Variants in PCDHA9 observed in about 807,000 individuals in gnomAD.
PCDHA9 encodes protocadherin alpha-9.
PCDHA9 carries 62 observed loss-of-function variants against 62.0 expected under a neutral mutation model. The observed-to-expected ratio is 1.00, with a 90% CI of 0.81 to 1.23. The LOEUF (loss-of-function observed/expected upper bound fraction) is 1.23, where lower values mean the gene tolerates loss of function less well. PCDHA9 is among the 50% of genes most tolerant of loss of function. PCDHA9 has a pLI of 0.00. For synonymous variants in PCDHA9, 557 were observed against 567.6 expected, an observed-to-expected ratio of 0.98 and a Z score of 0.27; for missense variants, 1,205 against 1,249.8, an observed-to-expected ratio of 0.96 and a Z score of 0.54.
At chr5:140,926,946 A>G in intron 1 of PCDHA9, 1 of 1,590,228 alleles carries the variant, frequency 6.3e-7, no homozygotes. Context: ...GCGGCGCTGC[A>G]GCGGGACAGC....
intron 1 of PCDHA9, among the ~76,000 whole-genome samples, chr5:140,972,711 T>A (rs2096551404): frequency 6.7e-6 from 1 of 148,680 alleles, no homozygotes; most frequent in Non-Finnish European, 1.5e-5. Context: ...GTTGCCAGGC[T>A]GGAGTGCAGT....
intron 1 of PCDHA9, chr5:140,968,844 G>A: frequency 1.2e-6 from 2 of 1,614,210 alleles, no homozygotes; most frequent in African/African-American, 1.3e-5. Context: ...GACACTCAGA[G>A]GCATGTTAAG....
intron 1 of PCDHA9, chr5:140,929,179 G>C: frequency 6.2e-7 from 1 of 1,614,104 alleles, no homozygotes. Context: ...TCTGGGACTT[G>C]GTTCTGATAA....
intron 1 of PCDHA9, among the ~76,000 whole-genome samples, chr5:140,936,969 A>G (rs1391736933): frequency 2.0e-5 from 3 of 152,202 alleles, no homozygotes; most frequent in African/African-American, 7.2e-5. Context: ...ATCTATAAAA[A>G]TATGAAGCTT....
At position 140,857,343 on chromosome 5, in the gene PCDHA9, C is replaced by T. The variant is rs565903992; in HGVS notation, c.2394+6454C>T. 68 of 1,598,512 alleles carry T rather than the reference C, an allele frequency of 4.3e-5. 8 individuals carry two copies. The South Asian group carries it at 4.3e-4, about 10-fold the overall frequency. On this transcript the variant is annotated intron_variant, in intron 1 of 3. Coordinates refer to ENST00000532602, the MANE Select transcript of PCDHA9 (RefSeq NM_031857.2). ...GTGACCGCGCGGGACGGGGGCTCGC[C>T]TCCGCTGTGGGCCACGGCCAGCGTG...
chr5:140,927,105 CAGCGG>C, intron 1 of PCDHA9: 1 of 1,613,778 alleles, frequency 6.2e-7, no homozygotes, highest in Non-Finnish European at 8.5e-7. Flanking sequence ...TGGATCTACC[CAGCGG>C]CAATTTGGTG....
intron 1 of PCDHA9, among the ~76,000 whole-genome samples, chr5:140,978,488 C>T (rs1453613410): frequency 6.6e-6 from 1 of 152,224 alleles, no homozygotes; most frequent in Non-Finnish European, 1.5e-5. Flanking sequence ...TCTGCAAAGC[C>T]AGCAGCAGAT....
intron 1 of PCDHA9, among the ~76,000 whole-genome samples, chr5:140,945,069 A>G (rs550774069): frequency 6.6e-6 from 1 of 152,278 alleles, no homozygotes; most frequent in East Asian, 1.9e-4. Context: ...TACAGACTCC[A>G]CCAAAACACT....
intron 2 of PCDHA9, 155 bp downstream of exon 2, chr5:140,979,162 T>C: frequency 2.1e-6 from 2 of 975,444 alleles, no homozygotes; most frequent in Non-Finnish European, 2.4e-6. Context: ...TGTTTATTCC[T>C]TGAAAGATCG....
chr5:140,858,426 A>T, intron 1 of PCDHA9: 9 of 1,551,394 alleles, frequency 5.8e-6, no homozygotes, highest in Non-Finnish European at 7.9e-6. Flanking sequence ...GGAGGGGACC[A>T]CTCTAGGAAG....
rs548122977 is a variant in PCDHA9 at position 141,010,588 on chromosome 5, T to C, written c.*651T>C. ...AGGCTTTAGGAGACCCTAAAGTCTG[T>C]TGGCTGTGACGTCATTATACCTAAA... On this transcript the variant is annotated 3_prime_UTR_variant, in exon 4 of 4. Coordinates refer to ENST00000532602, the MANE Select transcript of PCDHA9 (RefSeq NM_031857.2). 5 of 233,334 alleles carry C rather than the reference T, an allele frequency of 2.1e-5. No individual in the cohort carries two copies. In the East Asian group the frequency reaches 4.8e-4, roughly 22 times the overall value. 14.5% of individuals were successfully genotyped at this position (233,334 alleles called of 1,614,324 possible).
chr5:140,936,003 C>T (rs1362734996), intron 1 of PCDHA9, among the ~76,000 whole-genome samples: 22 of 151,556 alleles, frequency 1.5e-4, no homozygotes, highest in Non-Finnish European at 1.5e-4. Context: ...AGCGATTCTC[C>T]CACCTCAGCC....
intron 1 of PCDHA9, among the ~76,000 whole-genome samples, chr5:140,906,048 C>A (rs1482228569): frequency 1.3e-5 from 2 of 152,170 alleles, no homozygotes; most frequent in South Asian, 2.1e-4. Context: ...TTTATTCTGG[C>A]TGCACTGGCA....
Position 140,856,070 on chromosome 5 carries a change from C to T in PCDHA9, c.2394+5181C>T. 3.1e-6 allele frequency: 5 copies of T among 1,591,758 alleles called. 1 individual carries two copies. Among genetic ancestry groups the T allele is most frequent in the Non-Finnish European group, 4.3e-6 (5 of 1,163,604 alleles). On this transcript the variant is annotated intron_variant, in intron 1 of 3. Coordinates refer to ENST00000532602, the MANE Select transcript of PCDHA9 (RefSeq NM_031857.2). ...TAAGATGGTTTCCAGATGTAGCTGC[C>T]TGGGGGTCCAGTGTCTGCTGCTCTC...
rs2098415057 is a variant in PCDHA9, at chr5:141,009,865, A to G, written c.2781A>G (p.Lys927=). ...AGGAGGAGACCAAGAAAAAGAAGAAAAAGAAGAAGGGTAACAAGACCCAGG... is the reference window on the plus strand; with the variant it reads ...AGGAGGAGACCAAGAAAAAGAAGAAGAAGAAGAAGGGTAACAAGACCCAGG... ...GKKEETKKKK[K]KKKGNKTQEK... The change falls in exon 4 of 4, where the codon AAA becomes AAG. Residue 927 remains lysine, a synonymous_variant. Transcript: ENST00000532602. The G allele has an allele frequency of 6.2e-7, 1 of 1,614,076 alleles. No homozygotes were observed.
chr5:140,975,686 A>G (rs558112597), intron 1 of PCDHA9, among the ~76,000 whole-genome samples: 1 of 152,328 alleles, frequency 6.6e-6, no homozygotes, highest in East Asian at 1.9e-4. Flanking sequence ...AAAATAGGGT[A>G]TTTTAAACTT....
Position 140,848,897 on chromosome 5 carries a change from A to T in PCDHA9, c.402A>T (p.Pro134=), listed in dbSNP as rs1554142535. ...TTAACGACAACCCTCCAGTGTTCCC[A>T]GCGACACAAAAGAATCTGTTCATCG... ...KDINDNPPVF[P]ATQKNLFIAE... Residue 134 remains proline (P), a synonymous_variant, in exon 1 of 4, where the codon CCA becomes CCT. Coordinates refer to ENST00000532602, the MANE Select transcript of PCDHA9 (RefSeq NM_031857.2). 6.2e-7 allele frequency: 1 copy of T among 1,605,658 alleles called. No individual in the cohort carries two copies.
At chr5:141,000,095 T>G (rs1299354306) in intron 3 of PCDHA9, among the ~76,000 whole-genome samples, 1 of 152,044 alleles carries the variant, frequency 6.6e-6, no homozygotes, top group Non-Finnish European at 1.5e-5. Flanking sequence ...TGAATGGAGC[T>G]CAACTCCGTC....
At chr5:140,882,606 C>T in intron 1 of PCDHA9, 2 of 1,614,238 alleles carry the variant, frequency 1.2e-6, no homozygotes, top group Non-Finnish European at 1.7e-6. Context: ...GTGGACAGGC[C>T]TCTGCAGGTT....
Sources: allele counts gnomAD v4.1 joint callset (sites outside exome capture counted in the v4.1 genomes callset), GRCh38; gene constraint gnomAD v4.1.1; transcripts MANE v1.5; gene names NCBI Gene and HGNC (gene_info 2026-07-23, HGNC 2026-07-21).